KIAA1328: variants seen among roughly 807,000 people sequenced by gnomAD.
KIAA1328 encodes protein hinderin.
Under a neutral mutation model 68.1 loss-of-function variants are expected in KIAA1328, and 52 were observed. That is an observed-to-expected ratio of 0.76 (90% CI 0.61 to 0.96). The LOEUF (loss-of-function observed/expected upper bound fraction) is 0.96, where lower values mean the gene tolerates loss of function less well. Ranked by LOEUF, KIAA1328 falls within the 40% of genes least tolerant of loss-of-function variation. The pLI, the probability that KIAA1328 is intolerant of heterozygous loss-of-function variation, is 0.00. For missense variants in KIAA1328, 641 were observed against 677.6 expected (o/e 0.95, Z 0.60); for synonymous variants, 232 against 239.4 (o/e 0.97, Z 0.28).
chr18:37,102,169 G>A (rs1338270019), intron 7 of KIAA1328, among the ~76,000 whole-genome samples: 1 of 152,184 alleles, frequency 6.6e-6, no homozygotes, highest in Non-Finnish European at 1.5e-5. Flanking sequence ...ATCAAGTGGG[G>A]TTTATGCCAG....
chr18:37,156,296 C>T (rs2154210640), intron 7 of KIAA1328, among the ~76,000 whole-genome samples: 1 of 151,820 alleles, frequency 6.6e-6, no homozygotes, highest in East Asian at 2.0e-4. Context: ...CATGGGATTG[C>T]ATGCCTGTAA....
At chr18:36,868,377 A>C (rs913620268) in intron 4 of KIAA1328, among the ~76,000 whole-genome samples, 15 of 152,220 alleles carry the variant, frequency 9.9e-5, no homozygotes, top group African/African-American at 3.4e-4. Context: ...AAGTGACCTC[A>C]GAAGGTCTTT....
intron 4 of KIAA1328, among the ~76,000 whole-genome samples, chr18:36,878,006 C>T (rs1452534295): frequency 6.6e-6 from 1 of 152,072 alleles, no homozygotes; most frequent in Non-Finnish European, 1.5e-5. Flanking sequence ...GCCCACTTAC[C>T]TTTAAGGTTA....
At chr18:37,112,436 C>A (rs1368317034) in intron 7 of KIAA1328, among the ~76,000 whole-genome samples, 1 of 152,196 alleles carries the variant, frequency 6.6e-6, no homozygotes, top group African/African-American at 2.4e-5. Context: ...CCAGCAAACT[C>A]CAACAGACCT....
intron 5 of KIAA1328, among the ~76,000 whole-genome samples, chr18:36,898,151 A>G (rs746423650): frequency 3.0e-4 from 46 of 152,024 alleles, no homozygotes; most frequent in Non-Finnish European, 5.4e-4. Context: ...GGATGTGAAG[A>G]CATATTTGAT....
Position 37,168,026 on chromosome 18 carries a change from G to C in KIAA1328, c.1415-4947G>C, listed in dbSNP as rs115193055. Among the ~76,000 whole-genome samples the C allele has an allele frequency of 1.6e-3, 237 of 152,274 alleles. 1 individual carries two copies. Among genetic ancestry groups the C allele is most frequent in the African/African-American group, 5.5e-3 (229 of 41,550 alleles). ...TGAAAGGATTATACATCATAACTAAGTGAGATTTAGCCCAGGAATACAAAG... is the reference window on the plus strand; with the variant it reads ...TGAAAGGATTATACATCATAACTAACTGAGATTTAGCCCAGGAATACAAAG... On this transcript the variant is annotated intron_variant, in intron 8 of 9. Transcript: ENST00000280020.
At chr18:36,904,100 A>C (rs889965785) in intron 5 of KIAA1328, among the ~76,000 whole-genome samples, 5 of 152,124 alleles carry the variant, frequency 3.3e-5, no homozygotes, top group African/African-American at 9.7e-5. Flanking sequence ...AAGATCTCAC[A>C]AATTTGTAGC....
chr18:37,161,069 G>A (rs1261371573), intron 8 of KIAA1328, among the ~76,000 whole-genome samples: 2 of 152,030 alleles, frequency 1.3e-5, no homozygotes, highest in African/African-American at 2.4e-5. Flanking sequence ...AGATGTACAG[G>A]AAACAAAAGA....
intron 6 of KIAA1328, among the ~76,000 whole-genome samples, chr18:37,059,312 C>T (rs1007170176): frequency 6.6e-6 from 1 of 151,930 alleles, no homozygotes; most frequent in Admixed American, 6.6e-5. Flanking sequence ...GGGCCAATAT[C>T]CAGAATCTAC....
intron 4 of KIAA1328, among the ~76,000 whole-genome samples, chr18:36,865,426 A>C (rs1306728706): frequency 6.6e-6 from 1 of 152,098 alleles, no homozygotes. Flanking sequence ...TAACTTTTAA[A>C]ATGATTTTGA....
intron 6 of KIAA1328, among the ~76,000 whole-genome samples, chr18:36,978,372 A>C (rs1241424753): frequency 6.6e-6 from 1 of 152,228 alleles, no homozygotes; most frequent in Non-Finnish European, 1.5e-5. Context: ...TTGTTTGTAT[A>C]AACTGGTTAG....
At chr18:37,193,430 A>T (rs2059945073) in intron 9 of KIAA1328, among the ~76,000 whole-genome samples, 1 of 152,234 alleles carries the variant, frequency 6.6e-6, no homozygotes, top group Non-Finnish European at 1.5e-5. Flanking sequence ...AGATTTTGTT[A>T]CCATGTAAAT....
chr18:37,132,682 A>C (rs1224375206), intron 7 of KIAA1328, among the ~76,000 whole-genome samples: 1 of 152,186 alleles, frequency 6.6e-6, no homozygotes, highest in East Asian at 1.9e-4. Context: ...ACTTTTATTG[A>C]TAATATAGGA....
At chr18:37,139,157 G>T (rs1408557267) in intron 7 of KIAA1328, among the ~76,000 whole-genome samples, 1 of 151,802 alleles carries the variant, frequency 6.6e-6, no homozygotes, top group African/African-American at 2.4e-5. Context: ...TAGAGACGGG[G>T]TTTCACCTTG....
At chr18:36,984,742 C>T (rs1371606964) in intron 6 of KIAA1328, among the ~76,000 whole-genome samples, 2 of 151,738 alleles carry the variant, frequency 1.3e-5, no homozygotes, top group Non-Finnish European at 2.9e-5. Flanking sequence ...CCCATCTCTA[C>T]TAAAAATACA....
intron 9 of KIAA1328, among the ~76,000 whole-genome samples, chr18:37,199,053 T>C (rs1012220902): frequency 1.3e-5 from 2 of 152,230 alleles, no homozygotes; most frequent in African/African-American, 4.8e-5. Context: ...TTTGCCATAT[T>C]TGGGGAGAGA....
intron 5 of KIAA1328, among the ~76,000 whole-genome samples, chr18:36,920,861 AG>A (rs1171957778): frequency 6.6e-6 from 1 of 152,092 alleles, no homozygotes; most frequent in Non-Finnish European, 1.5e-5. Flanking sequence ...AGACCCTCAG[AG>A]CTCTCTGTGC....
rs751932797 is a variant in KIAA1328, at chr18:36,942,126, G to A, written c.449-17182G>A. ...GGTTGCTGAAGTGGGATATAAAGTTGTAACACCATCTATTAGTAGGTATGG... is the reference window on the plus strand; with the variant it reads ...GGTTGCTGAAGTGGGATATAAAGTTATAACACCATCTATTAGTAGGTATGG... On this transcript the variant is annotated intron_variant, in intron 5 of 9. Transcript: ENST00000280020. Among the ~76,000 whole-genome samples, 10 of 152,298 alleles carry A rather than the reference G, an allele frequency of 6.6e-5. No homozygotes were observed. The South Asian group carries it at 1.7e-3, about 25-fold the overall frequency.
At chr18:36,928,226 T>C (rs1394699221) in intron 5 of KIAA1328, among the ~76,000 whole-genome samples, 1 of 152,172 alleles carries the variant, frequency 6.6e-6, no homozygotes, top group Admixed American at 6.6e-5. Context: ...TAATTATTGC[T>C]GTCTATGGTG....
Sources: allele counts gnomAD v4.1 joint callset (sites outside exome capture counted in the v4.1 genomes callset), GRCh38; gene constraint gnomAD v4.1.1; transcripts MANE v1.5; gene names NCBI Gene and HGNC (gene_info 2026-07-23, HGNC 2026-07-21).